SPATA6: variants seen among roughly 807,000 people sequenced by gnomAD.
The protein encoded by SPATA6 is spermatogenesis-associated protein 6.
Under a neutral mutation model 65.3 loss-of-function variants are expected in SPATA6, and 56 were observed. The observed-to-expected ratio is 0.86, with a 90% CI of 0.69 to 1.07. The LOEUF (loss-of-function observed/expected upper bound fraction) is 1.07, where lower values mean the gene tolerates loss of function less well. Ranked by LOEUF, SPATA6 falls within the 50% of genes least tolerant of loss-of-function variation. The pLI is 0.00. For synonymous variants in SPATA6, 199 were observed against 213.2 expected (o/e 0.93, Z 0.58); for missense variants, 590 against 594.8 (o/e 0.99, Z 0.08).
In SPATA6 at chr1:48,297,834, G is replaced by A. The variant is rs529957542; in HGVS notation, c.*879C>T. ...TATTTTACTCACATTGTGGTTCCAA[G>A]TGTTTTTTTTTTTAAAGTGAGGATA... On this transcript the variant is annotated 3_prime_UTR_variant, in exon 13 of 13. Transcript: ENST00000371847. 1.3e-5 allele frequency: 2 copies of A among 151,890 alleles called. No homozygotes were observed. The highest frequency in any genetic ancestry group is 4.8e-5 in the African/African-American group (2 of 41,464). The allele number at this position is 151,890 out of a possible 1,614,324, so 9.4% of individuals were successfully genotyped here. A position where few individuals can be genotyped will look rare whatever the true frequency, so the allele number is the denominator to read the frequency against.
At chr1:48,403,696 CA>C in intron 6 of SPATA6, 105 bp downstream of exon 6, 5 of 847,264 alleles carry the variant, frequency 5.9e-6, no homozygotes, top group Non-Finnish European at 8.9e-6. Context: ...ATTGACCCCC[CA>C]AAAAGTGAAA....
At chr1:48,365,764 C>T (rs1435316142) in intron 9 of SPATA6, among the ~76,000 whole-genome samples, 2 of 151,968 alleles carry the variant, frequency 1.3e-5, no homozygotes, top group East Asian at 1.9e-4. Context: ...CTTCCTCTTT[C>T]CCTAACTGAA....
intron 11 of SPATA6, among the ~76,000 whole-genome samples, chr1:48,311,400 C>A (rs1263547666): frequency 6.6e-6 from 1 of 151,936 alleles, no homozygotes; most frequent in South Asian, 2.1e-4. Flanking sequence ...TAAGGAAATG[C>A]ATGAAATAAT....
At chr1:48,333,289 C>T (rs1056591986) in intron 11 of SPATA6, among the ~76,000 whole-genome samples, 2 of 152,160 alleles carry the variant, frequency 1.3e-5, no homozygotes, top group Admixed American at 6.5e-5. Flanking sequence ...ACATCAGACT[C>T]GAAGTTCTTT....
At chr1:48,373,826 T>C (rs970940759) in intron 9 of SPATA6, among the ~76,000 whole-genome samples, 15 of 152,170 alleles carry the variant, frequency 9.9e-5, no homozygotes, top group African/African-American at 3.4e-4. Context: ...ATTAGGAGAA[T>C]AGCATGGGAA....
At chr1:48,413,714 G>A (rs983438176) in intron 3 of SPATA6, among the ~76,000 whole-genome samples, 10 of 152,054 alleles carry the variant, frequency 6.6e-5, no homozygotes, top group South Asian at 2.1e-4. Context: ...CAACACCTGT[G>A]CCATCAAAAA....
chr1:48,329,852 C>G (rs1160472476), intron 11 of SPATA6, among the ~76,000 whole-genome samples: 1 of 152,208 alleles, frequency 6.6e-6, no homozygotes, highest in Non-Finnish European at 1.5e-5. Context: ...CCACAGGGAC[C>G]TGTGCAAGAC....
At chr1:48,355,174 C>G (rs1042754417) in intron 11 of SPATA6, among the ~76,000 whole-genome samples, 1 of 152,108 alleles carries the variant, frequency 6.6e-6, no homozygotes, top group Non-Finnish European at 1.5e-5. Context: ...AAAATATCCT[C>G]ATACAGATTT....
chr1:48,469,872 G>T (rs1260646451), intron 1 of SPATA6, among the ~76,000 whole-genome samples: 1 of 151,912 alleles, frequency 6.6e-6, no homozygotes, highest in Non-Finnish European at 1.5e-5. Context: ...ATTTTAAAAG[G>T]CTTTTGTTGT....
intron 8 of SPATA6, among the ~76,000 whole-genome samples, chr1:48,390,177 A>G (rs1649903561): frequency 6.6e-6 from 1 of 152,210 alleles, no homozygotes; most frequent in Admixed American, 6.5e-5. Context: ...GTTCATCAAT[A>G]GATGAATGGA....
At chr1:48,454,548 C>A (rs1656857062) in intron 1 of SPATA6, among the ~76,000 whole-genome samples, 1 of 152,146 alleles carries the variant, frequency 6.6e-6, no homozygotes, top group South Asian at 2.1e-4. Context: ...TCTTAAATTT[C>A]TGTAGCATTT....
intron 2 of SPATA6, 97 bp downstream of exon 2, chr1:48,452,897 A>G: frequency 7.2e-7 from 1 of 1,382,254 alleles, no homozygotes; most frequent in Non-Finnish European, 9.7e-7. Flanking sequence ...CAAAGCACAC[A>G]GTCAGCAGTA....
rs867890995 is a variant in SPATA6 at position 48,355,479 on chromosome 1, T to C, written c.1194+191A>G. The C allele has an allele frequency of 1.1e-5, 5 of 469,796 alleles. No individual in the cohort carries two copies. In the South Asian group the frequency reaches 1.2e-4, roughly 12 times the overall value. 29.1% of individuals were successfully genotyped at this position (469,796 alleles called of 1,614,324 possible). On this transcript the variant is annotated intron_variant, in intron 11 of 12. Transcript: ENST00000371847. ...GTTAAGATGGTCTATTTCAAACATTTTGCATAATGACTTAGGTCAAGCAGG... is the reference window on the plus strand; with the variant it reads ...GTTAAGATGGTCTATTTCAAACATTCTGCATAATGACTTAGGTCAAGCAGG...
Position 48,344,798 on chromosome 1 carries a change from AG to A in SPATA6, c.1194+10871del, listed in dbSNP as rs780189149. Among the ~76,000 whole-genome samples, 192 of 152,318 alleles carry A rather than the reference AG, an allele frequency of 1.3e-3. 1 individual carries two copies. The highest frequency in any genetic ancestry group is 2.0e-3 in the Non-Finnish European group (139 of 68,020). On this transcript the variant is annotated intron_variant, in intron 11 of 12. Transcript: ENST00000371847. ...AAAGAAGGGCATTACATAATGGTAA[AG>A]GGGACAATTCAACAAGAAGATCTAC...
At chr1:48,291,978 G>A (rs72887982), downstream of SPATA6, among the ~76,000 whole-genome samples, 1,080 of 152,130 alleles carry the variant, frequency 7.1e-3, 18 homozygotes, top group African/African-American at 0.025. Flanking sequence ...TTGTTATATC[G>A]TTTACCTGTG....
intron 3 of SPATA6, among the ~76,000 whole-genome samples, chr1:48,450,586 T>A (rs1416660155): frequency 2.0e-5 from 3 of 152,186 alleles, no homozygotes; most frequent in Non-Finnish European, 4.4e-5. Flanking sequence ...AGCACCACAC[T>A]GCCACCTAGC....
At chr1:48,285,518 T>A in the SPATA6 span, among the ~76,000 whole-genome samples, 1 of 150,992 alleles carries the variant, frequency 6.6e-6, no homozygotes, top group Non-Finnish European at 1.5e-5. Flanking sequence ...TAGCTCGGTG[T>A]CTGCCCAAAT....
intron 11 of SPATA6, among the ~76,000 whole-genome samples, chr1:48,310,080 T>G (rs1645163332): frequency 6.6e-6 from 1 of 152,256 alleles, no homozygotes; most frequent in Non-Finnish European, 1.5e-5. Context: ...AAGCCCCCTA[T>G]GCACACATTC....
chr1:48,317,016 A>G (rs2148688410), intron 11 of SPATA6, among the ~76,000 whole-genome samples: 1 of 152,340 alleles, frequency 6.6e-6, no homozygotes, highest in East Asian at 1.9e-4. Context: ...AATCATTAAA[A>G]AGTCAGGAAA....
Sources: gnomAD v4.1 joint callset for allele counts (sites outside exome capture counted in the v4.1 genomes callset) on GRCh38, gnomAD v4.1.1 for gene constraint, MANE v1.5 for transcripts, NCBI Gene and HGNC (gene_info 2026-07-23, HGNC 2026-07-21) for gene names.